MPP7: variants seen among roughly 807,000 people sequenced by gnomAD.
MPP7 encodes the protein MAGUK p55 subfamily member 7.
In MPP7, 60 loss-of-function variants were observed where a neutral mutation model predicts 76.5. That is an observed-to-expected ratio of 0.78 (90% CI 0.64 to 0.97). The LOEUF is 0.97. Ranked by LOEUF, MPP7 falls within the 50% of genes least tolerant of loss-of-function variation. The pLI, the probability that MPP7 is intolerant of heterozygous loss-of-function variation, is 0.00. For missense variants in MPP7, 641 were observed against 694.0 expected (o/e 0.92, Z 0.86); for synonymous variants, 237 against 244.5 (o/e 0.97, Z 0.29).
At chr10:28,155,686 G>T (rs1836037508) in intron 3 of MPP7, among the ~76,000 whole-genome samples, 1 of 152,000 alleles carries the variant, frequency 6.6e-6, no homozygotes, top group Admixed American at 6.6e-5. Context: ...TCCTTGGACA[G>T]ATTTGGGGAG....
At chr10:28,271,926 G>A (rs1293011101) in intron 1 of MPP7, among the ~76,000 whole-genome samples, 9 of 152,152 alleles carry the variant, frequency 5.9e-5, no homozygotes. Context: ...AGTGAGCCGA[G>A]ACCATGCCAC....
At chr10:28,112,979 A>G (rs1181657511) in intron 11 of MPP7, among the ~76,000 whole-genome samples, 1 of 151,980 alleles carries the variant, frequency 6.6e-6, no homozygotes. Flanking sequence ...GCCTCCTCCC[A>G]CTTCCTCAAG....
intron 3 of MPP7, among the ~76,000 whole-genome samples, chr10:28,175,487 T>G (rs953551390): frequency 4.6e-5 from 7 of 152,020 alleles, no homozygotes; most frequent in Non-Finnish European, 8.8e-5. Context: ...CATACATGAT[T>G]AAAAGAACAT....
chr10:28,232,347 C>T (rs923359528), intron 2 of MPP7, among the ~76,000 whole-genome samples: 32 of 135,626 alleles, frequency 2.4e-4, no homozygotes, highest in African/African-American at 8.8e-4. Flanking sequence ...GAGTGAGATC[C>T]TGTCTCTTAA....
intron 2 of MPP7, among the ~76,000 whole-genome samples, chr10:28,231,609 C>A (rs559703681): frequency 2.7e-5 from 4 of 149,864 alleles, no homozygotes; most frequent in African/African-American, 7.3e-5. Flanking sequence ...ACAAATAATT[C>A]TTTCCCAACA....
chr10:28,146,135 A>G (rs1034413457), intron 5 of MPP7, among the ~76,000 whole-genome samples: 1 of 152,214 alleles, frequency 6.6e-6, no homozygotes, highest in African/African-American at 2.4e-5. Context: ...CTAAGACCAA[A>G]TGAAGAAATC....
At chr10:28,105,703 T>G (rs1834301562) in intron 11 of MPP7, among the ~76,000 whole-genome samples, 1 of 152,166 alleles carries the variant, frequency 6.6e-6, no homozygotes, top group Admixed American at 6.5e-5. Context: ...AGAAGGAGTT[T>G]CGTCACATTG....
intron 5 of MPP7, among the ~76,000 whole-genome samples, chr10:28,141,594 A>T (rs1427559825): frequency 6.6e-6 from 1 of 152,160 alleles, no homozygotes; most frequent in African/African-American, 2.4e-5. Context: ...ATTTATACAT[A>T]TGTGTAGATG....
chr10:28,109,736 T>C (rs1186853392), intron 11 of MPP7, among the ~76,000 whole-genome samples: 1 of 151,200 alleles, frequency 6.6e-6, no homozygotes, highest in African/African-American at 2.4e-5. Flanking sequence ...CTCACCTATA[T>C]AGGTTCCACT....
chr10:28,079,351 A>C (rs4749299), intron 12 of MPP7, among the ~76,000 whole-genome samples: 25,032 of 149,632 alleles, frequency 0.17, 2,833 homozygotes, highest in East Asian at 0.54. Flanking sequence ...ATATACCACA[A>C]AAAAAAAAAG....
chr10:28,083,878 C>T (rs1886403), intron 12 of MPP7, among the ~76,000 whole-genome samples: 71,167 of 151,960 alleles, frequency 0.47, 20,188 homozygotes, highest in Non-Finnish European at 0.65. Flanking sequence ...AAATACAATT[C>T]GCCTGAAGAG....
At chr10:28,284,138 T>TATGAACACCA (rs1349420448) in intron 1 of MPP7, among the ~76,000 whole-genome samples, 3 of 152,108 alleles carry the variant, frequency 2.0e-5, no homozygotes, top group African/African-American at 7.2e-5. Context: ...TAATAGTTGG[T>TATGAACACCA]ATGAACACCA....
chr10:28,152,821 A>G (rs1835925736), intron 3 of MPP7, among the ~76,000 whole-genome samples: 1 of 152,178 alleles, frequency 6.6e-6, no homozygotes, highest in African/African-American at 2.4e-5. Context: ...GATCTAGTAG[A>G]CAAATATATA....
At chr10:28,135,227 G>A (rs915296164) in intron 5 of MPP7, among the ~76,000 whole-genome samples, 13 of 152,112 alleles carry the variant, frequency 8.5e-5, no homozygotes, top group African/African-American at 2.4e-4. Flanking sequence ...ATCCAGAGAC[G>A]TCAACTGACT....
chr10:28,262,220 T>C (rs199753944), intron 1 of MPP7, among the ~76,000 whole-genome samples: 5 of 49,536 alleles, frequency 1.0e-4, no homozygotes, highest in Non-Finnish European at 1.3e-4. Context: ...TATATATATA[T>C]ATATACATAT....
At chr10:28,218,090 C>A (rs1207321965) in intron 2 of MPP7, among the ~76,000 whole-genome samples, 2 of 152,162 alleles carry the variant, frequency 1.3e-5, no homozygotes, top group African/African-American at 4.8e-5. Context: ...GGAGCCTGAT[C>A]AAAGTGATGA....
At position 28,262,229 on chromosome 10, in the gene MPP7, A is replaced by G. The variant is rs1483002058; in HGVS notation, c.-131-23494T>C. Among the ~76,000 whole-genome samples the G allele has an allele frequency of 7.6e-4, 39 of 51,152 alleles. 2 individuals carry two copies. The highest frequency in any genetic ancestry group is 2.0e-3 in the African/African-American group (17 of 8,676). The allele number at this position is 51,152 out of a possible 152,430, so 33.6% of individuals were successfully genotyped here. On this transcript the variant is annotated intron_variant, in intron 1 of 16. Coordinates refer to ENST00000683449, the MANE Select transcript of MPP7 (RefSeq NM_001318170.2). ...TATACATATATATATATATATACAT[A>G]TATATATATATATACATATATATAT...
chr10:28,331,223 A>C (rs1834467257), intron 1 of MPP7, among the ~76,000 whole-genome samples: 1 of 152,272 alleles, frequency 6.6e-6, no homozygotes, highest in East Asian at 1.9e-4. Context: ...CTGGCTTCCC[A>C]TCTCAGTGGC....
At chr10:28,330,177 T>C (rs1834458492) in intron 1 of MPP7, among the ~76,000 whole-genome samples, 1 of 152,178 alleles carries the variant, frequency 6.6e-6, no homozygotes, top group Non-Finnish European at 1.5e-5. Flanking sequence ...TGAGCTTCCT[T>C]TCAACGACAA....
Sources: allele counts gnomAD v4.1 joint callset (sites outside exome capture counted in the v4.1 genomes callset), GRCh38; gene constraint gnomAD v4.1.1; transcripts MANE v1.5; gene names NCBI Gene and HGNC (gene_info 2026-07-23, HGNC 2026-07-21).